Variants in PPP1R1C observed in about 807,000 individuals in gnomAD.
PPP1R1C encodes protein phosphatase 1 regulatory subunit 1C.
Under a neutral mutation model 17.4 loss-of-function variants are expected in PPP1R1C, and 15 were observed. That is an observed-to-expected ratio of 0.86 (90% CI 0.58 to 1.33). The LOEUF (loss-of-function observed/expected upper bound fraction) is 1.33, where lower values mean the gene tolerates loss of function less well. Ranked by LOEUF, PPP1R1C falls within the 40% of genes most tolerant of loss-of-function variation. PPP1R1C has a pLI of 0.00. For missense variants in PPP1R1C, 143 were observed against 130.0 expected, an observed-to-expected ratio of 1.10 and a Z score of -0.48; for synonymous variants, 35 against 43.1, an observed-to-expected ratio of 0.81 and a Z score of 0.73.
chr2:182,000,454 G>T (rs768235801), intron 2 of PPP1R1C, among the ~76,000 whole-genome samples: 1 of 152,068 alleles, frequency 6.6e-6, no homozygotes, highest in Non-Finnish European at 1.5e-5. Context: ...GAGATTTTGG[G>T]CCTCCTGACA....
intron 2 of PPP1R1C, among the ~76,000 whole-genome samples, chr2:182,033,857 C>T (rs1429287051): frequency 2.6e-5 from 4 of 152,180 alleles, no homozygotes; most frequent in Non-Finnish European, 4.4e-5. Flanking sequence ...TACGCTAAAT[C>T]GCTTTGAACT....
chr2:182,118,946 C>T (rs1255489743), downstream of PPP1R1C, among the ~76,000 whole-genome samples: 4 of 151,682 alleles, frequency 2.6e-5, no homozygotes, highest in Non-Finnish European at 5.9e-5. Context: ...GGTACATGTG[C>T]ACAACATGCA....
chr2:182,106,614 A>T (rs981698086), intron 4 of PPP1R1C, among the ~76,000 whole-genome samples: 5 of 152,162 alleles, frequency 3.3e-5, no homozygotes, highest in Non-Finnish European at 5.9e-5. Context: ...CCCATATGTG[A>T]TCCAATTTTT....
chr2:182,061,507 A>G (rs1574420160), intron 3 of PPP1R1C, 28 bp downstream of exon 3: 6 of 1,402,904 alleles, frequency 4.3e-6, no homozygotes, highest in Middle Eastern at 4.0e-4. Context: ...TTTTGTATAA[A>G]TGTGTTCAAA....
intron 2 of PPP1R1C, among the ~76,000 whole-genome samples, chr2:182,040,244 G>A (rs1477038090): frequency 2.0e-5 from 3 of 152,128 alleles, no homozygotes; most frequent in Non-Finnish European, 1.5e-5. Context: ...TTTCCTTAAA[G>A]GTTGCACTAG....
intron 1 of PPP1R1C, among the ~76,000 whole-genome samples, chr2:181,966,829 T>A (rs1335390812): frequency 2.0e-5 from 3 of 152,180 alleles, no homozygotes; most frequent in Non-Finnish European, 4.4e-5. Context: ...ATAGAATGAG[T>A]TTGGAAGTAT....
intron 2 of PPP1R1C, among the ~76,000 whole-genome samples, chr2:182,032,467 C>A (rs1301280294): frequency 6.6e-6 from 1 of 152,102 alleles, no homozygotes; most frequent in East Asian, 1.9e-4. Context: ...GTCTCCATTA[C>A]TAAGGGGAAA....
At chr2:182,106,023 A>G (rs1689237469) in intron 4 of PPP1R1C, among the ~76,000 whole-genome samples, 1 of 152,162 alleles carries the variant, frequency 6.6e-6, no homozygotes, top group Non-Finnish European at 1.5e-5. Flanking sequence ...CCTAGTGTCT[A>G]GTAGCCTCAG....
intron 4 of PPP1R1C, among the ~76,000 whole-genome samples, chr2:182,098,360 G>A (rs976806477): frequency 6.6e-6 from 1 of 152,038 alleles, no homozygotes; most frequent in Non-Finnish European, 1.5e-5. Context: ...CATTAACTTT[G>A]GATTTTCTTC....
chr2:182,005,415 AG>A (rs1365807067), intron 2 of PPP1R1C, among the ~76,000 whole-genome samples: 1 of 152,210 alleles, frequency 6.6e-6, no homozygotes, highest in Non-Finnish European at 1.5e-5. Flanking sequence ...GTATGGCCTC[AG>A]TTCAATATAT....
chr2:182,117,235 A>T lies in PPP1R1C; in HGVS notation c.270A>T (p.Glu90Asp). The T allele has an allele frequency of 6.4e-7, 1 of 1,561,380 alleles. No homozygotes were observed. Among genetic ancestry groups the T allele is most frequent in the Non-Finnish European group, 8.7e-7 (1 of 1,152,290 alleles). Reference sequence around the variant, plus strand: ...TTAAGCATCTGAAAGGCCAGAATGAATCAGCATTCCCTGAAGAAGAAGAAG... The same window carrying T: ...TTAAGCATCTGAAAGGCCAGAATGATTCAGCATTCCCTGAAGAAGAAGAAG... ...KGVKHLKGQN[E>D]SAFPEEEEGT... Residue 90 changes from glutamate (E) to aspartate (D), a missense_variant, in exon 5 of 5, where the codon GAA (glutamate) becomes GAT (aspartate). Coordinates refer to ENST00000682840, the MANE Select transcript of PPP1R1C (RefSeq NM_001080545.3).
At position 182,075,987 on chromosome 2, in the gene PPP1R1C, A is replaced by G. The variant is rs377658704; in HGVS notation, c.241+12196A>G. On this transcript the variant is annotated intron_variant, in intron 4 of 4. Transcript: ENST00000682840. ...TTGTGTGGCAAAAATAAAAAAATTA[A>G]AGTAGTTTAAATGCTTTTTTTAGTA... 5.3e-5 allele frequency among the ~76,000 whole-genome samples: 8 copies of G among 152,108 alleles called. No homozygotes were observed. In the East Asian group the frequency reaches 1.2e-3, roughly 22 times the overall value.
intron 3 of PPP1R1C, 112 bp from the exon 4 acceptor site, chr2:182,063,619 A>G: frequency 1.2e-6 from 1 of 812,142 alleles, no homozygotes; most frequent in Non-Finnish European, 2.1e-6. Flanking sequence ...TGACAGGGAG[A>G]AATCAGAAAG....
intron 4 of PPP1R1C, among the ~76,000 whole-genome samples, chr2:182,109,363 G>C (rs1410780815): frequency 6.6e-6 from 1 of 152,084 alleles, no homozygotes; most frequent in African/African-American, 2.4e-5. Flanking sequence ...CAGCTTACCT[G>C]TTTCTTTTCT....
chr2:181,965,093 C>T (rs1194441084), intron 1 of PPP1R1C, among the ~76,000 whole-genome samples: 1 of 142,912 alleles, frequency 7.0e-6, no homozygotes, highest in African/African-American at 3.0e-5. Flanking sequence ...ATTTATATAT[C>T]TTCTTTTGAT....
intron 4 of PPP1R1C, among the ~76,000 whole-genome samples, chr2:182,105,542 G>A (rs1689219605): frequency 6.6e-6 from 1 of 152,150 alleles, no homozygotes; most frequent in Non-Finnish European, 1.5e-5. Context: ...ACGGGAGAGG[G>A]AATGGGTCAT....
chr2:182,130,009 C>A (rs2125244851), exon 6 of PPP1R1C: 1 of 152,124 alleles, frequency 6.6e-6, no homozygotes, highest in East Asian at 1.9e-4. Context: ...GTACATGGTT[C>A]ATTTAAAAAT....
At chr2:182,014,312 G>T (rs964160873) in intron 2 of PPP1R1C, among the ~76,000 whole-genome samples, 11 of 152,180 alleles carry the variant, frequency 7.2e-5, no homozygotes, top group Non-Finnish European at 1.6e-4. Context: ...GTACTGCCTT[G>T]GGGGTCTTGT....
At chr2:181,965,964 C>T (rs1287847960) in intron 1 of PPP1R1C, among the ~76,000 whole-genome samples, 1 of 152,016 alleles carries the variant, frequency 6.6e-6, no homozygotes, top group African/African-American at 2.4e-5. Flanking sequence ...TCTTTCATTT[C>T]CTCTTTATTT....
Sources: allele counts gnomAD v4.1 joint callset (sites outside exome capture counted in the v4.1 genomes callset), GRCh38; gene constraint gnomAD v4.1.1; transcripts MANE v1.5; gene names NCBI Gene and HGNC (gene_info 2026-07-23, HGNC 2026-07-21).